The following FRMD4A variants were observed in gnomAD, a reference collection of about 807,000 sequenced individuals.
FRMD4A encodes FERM domain-containing protein 4A.
Under a neutral mutation model 129.1 loss-of-function variants are expected in FRMD4A, and 29 were observed. The observed-to-expected ratio is 0.22, with a 90% confidence interval of 0.17 to 0.31. FRMD4A has a LOEUF of 0.31. FRMD4A is among the 10% of genes least tolerant of loss of function. The probability of loss-of-function intolerance (pLI) is 1.00; values close to 1 mark genes in which losing one functional copy is unlikely to be tolerated. For synonymous variants in FRMD4A, 634 were observed against 571.6 expected (o/e 1.11, Z -1.56); for missense variants, 1,272 against 1,375.8 (o/e 0.92, Z 1.19).
chr10:13,816,214 T>C (rs1298294875), intron 3 of FRMD4A, among the ~76,000 whole-genome samples: 1 of 152,208 alleles, frequency 6.6e-6, no homozygotes, highest in African/African-American at 2.4e-5. Context: ...AATTTACAAA[T>C]GGAGAAGTAA....
chr10:14,323,003 T>A (rs1843126446), intron 2 of FRMD4A, among the ~76,000 whole-genome samples: 1 of 152,204 alleles, frequency 6.6e-6, no homozygotes, highest in African/African-American at 2.4e-5. Flanking sequence ...GTCATCTCCC[T>A]TCAAAGGGTA....
chr10:14,030,784 T>C (rs1178445024), intron 2 of FRMD4A, among the ~76,000 whole-genome samples: 1 of 152,228 alleles, frequency 6.6e-6, no homozygotes, highest in Admixed American at 6.5e-5. Flanking sequence ...TCTTCCATGT[T>C]TGTGTAGATG....
chr10:14,290,544 G>A (rs942518410), intron 2 of FRMD4A, among the ~76,000 whole-genome samples: 28 of 151,972 alleles, frequency 1.8e-4, no homozygotes, highest in African/African-American at 6.5e-4. Flanking sequence ...GAATAAAACT[G>A]GACCCTTATT....
chr10:14,153,284 C>A (rs1173833438), intron 2 of FRMD4A, among the ~76,000 whole-genome samples: 6 of 152,208 alleles, frequency 3.9e-5, no homozygotes, highest in Non-Finnish European at 8.8e-5. Context: ...TATTAAGGTT[C>A]ACACTTGCTC....
intron 2 of FRMD4A, among the ~76,000 whole-genome samples, chr10:13,955,111 G>GTTTTTTTTTTTTTTTTT (rs1565107008): frequency 3.0e-5 from 1 of 33,108 alleles, no homozygotes; most frequent in African/African-American, 2.0e-4. Context: ...TAATAATTCT[G>GTTTTTTTTTTTTTTTTT]CTTTTTTTTT....
At chr10:13,775,473 C>T (rs1021510644) in intron 6 of FRMD4A, among the ~76,000 whole-genome samples, 8 of 152,020 alleles carry the variant, frequency 5.3e-5, no homozygotes, top group African/African-American at 1.9e-4. Context: ...TCATTAGATA[C>T]AAAGCTAGAA....
chr10:13,898,429 C>T (rs1416214720), intron 2 of FRMD4A, among the ~76,000 whole-genome samples: 1 of 152,094 alleles, frequency 6.6e-6, no homozygotes, highest in African/African-American at 2.4e-5. Flanking sequence ...TCCAAGGTGG[C>T]CTGAGAGAGA....
At chr10:14,052,926 C>T (rs558644612) in intron 2 of FRMD4A, among the ~76,000 whole-genome samples, 1 of 152,038 alleles carries the variant, frequency 6.6e-6, no homozygotes, top group South Asian at 2.1e-4. Flanking sequence ...TCATTCTTTA[C>T]TGCAAGGAGG....
At chr10:13,670,633 A>G in intron 16 of FRMD4A, 105 bp from the exon 17 acceptor site, 1 of 1,074,068 alleles carries the variant, frequency 9.3e-7, no homozygotes, top group Non-Finnish European at 1.4e-6. Context: ...AAATGCACGC[A>G]TGCACTTCGA....
At chr10:14,239,393 C>T (rs1489205612) in intron 2 of FRMD4A, among the ~76,000 whole-genome samples, 2 of 152,042 alleles carry the variant, frequency 1.3e-5, no homozygotes, top group Non-Finnish European at 2.9e-5. Flanking sequence ...TTTGGGAGGC[C>T]GAGGCGGGCG....
At chr10:14,030,500 C>T (rs115816255) in intron 2 of FRMD4A, among the ~76,000 whole-genome samples, 1 of 152,322 alleles carries the variant, frequency 6.6e-6, no homozygotes, top group East Asian at 1.9e-4. Context: ...ACATACTTGT[C>T]TATCAAGCTT....
intron 5 of FRMD4A, among the ~76,000 whole-genome samples, chr10:13,787,364 G>T (rs1407203317): frequency 6.6e-6 from 1 of 152,184 alleles, no homozygotes; most frequent in Non-Finnish European, 1.5e-5. Context: ...CCACCCGCAC[G>T]CCCAGAGAGG....
chr10:13,768,474 C>T (rs867937304), intron 6 of FRMD4A, among the ~76,000 whole-genome samples: 4 of 152,060 alleles, frequency 2.6e-5, no homozygotes, highest in Admixed American at 6.5e-5. Flanking sequence ...GAGATAATTC[C>T]GTGAGAAAAT....
Position 14,236,211 on chromosome 10 carries a change from C to T in FRMD4A, c.45+93847G>A, listed in dbSNP as rs79431365. 5.3e-5 allele frequency among the ~76,000 whole-genome samples: 8 copies of T among 152,340 alleles called. No individual in the cohort carries two copies. The East Asian group carries it at 1.5e-3, about 29-fold the overall frequency. On this transcript the variant is annotated intron_variant, in intron 2 of 24. Transcript: ENST00000357447. ...GTCCCATTTCATTCTCAGCCTTGCC[C>T]CTGTTTATAGGTCTTTAGGAGGACT...
chr10:14,123,291 A>T (rs1231959623), intron 2 of FRMD4A, among the ~76,000 whole-genome samples: 2 of 151,856 alleles, frequency 1.3e-5, no homozygotes, highest in Non-Finnish European at 2.9e-5. Flanking sequence ...TGTTCCCAAG[A>T]CTCCCTGCAG....
chr10:13,977,717 A>C (rs1018987759), intron 2 of FRMD4A, among the ~76,000 whole-genome samples: 3 of 152,166 alleles, frequency 2.0e-5, no homozygotes, highest in Non-Finnish European at 4.4e-5. Flanking sequence ...TTCTGTCTCC[A>C]TAGATTTGCC....
chr10:14,164,109 A>G (rs1160850082), intron 2 of FRMD4A, among the ~76,000 whole-genome samples: 1 of 152,224 alleles, frequency 6.6e-6, no homozygotes, highest in Non-Finnish European at 1.5e-5. Flanking sequence ...CGTGATGGAA[A>G]AGGCTGCAAA....
chr10:13,940,148 G>A (rs1030672580), intron 2 of FRMD4A, among the ~76,000 whole-genome samples: 3 of 151,864 alleles, frequency 2.0e-5, no homozygotes, highest in African/African-American at 7.2e-5. Context: ...AAGTACTCAT[G>A]GAGTGAAGTC....
At chr10:14,307,104 T>C (rs1846380017) in intron 2 of FRMD4A, among the ~76,000 whole-genome samples, 3 of 152,258 alleles carry the variant, frequency 2.0e-5, no homozygotes, top group African/African-American at 7.2e-5. Flanking sequence ...TAGCCATTAA[T>C]ATTGCTTATT....
Sources: allele counts gnomAD v4.1 joint callset (sites outside exome capture counted in the v4.1 genomes callset), GRCh38; gene constraint gnomAD v4.1.1; transcripts MANE v1.5; gene names NCBI Gene and HGNC (gene_info 2026-07-23, HGNC 2026-07-21).